The following GRID2 variants were observed in gnomAD, a reference collection of about 807,000 sequenced individuals.
GRID2 encodes glutamate receptor ionotropic, delta-2.
In GRID2, 33 loss-of-function variants were observed where a neutral mutation model predicts 114.8. The ratio of observed to expected loss-of-function variants is 0.29; its 90% CI spans 0.22 to 0.38. The LOEUF (loss-of-function observed/expected upper bound fraction) is 0.38. GRID2 is among the 10% of genes least tolerant of loss of function. The probability of loss-of-function intolerance (pLI) is 1.00; values close to 1 mark genes in which losing one functional copy is unlikely to be tolerated. For synonymous variants in GRID2, 505 were observed against 449.9 expected (o/e 1.12, Z -1.55); for missense variants, 1,184 against 1,257.7 (o/e 0.94, Z 0.89).
intron 6 of GRID2, among the ~76,000 whole-genome samples, chr4:93,220,678 C>A (rs984132349): frequency 1.3e-4 from 20 of 152,058 alleles, no homozygotes; most frequent in Admixed American, 1.0e-3. Flanking sequence ...TTCCTGATAT[C>A]CACAACCTAC....
At chr4:93,617,450 G>A (rs1489645939) in intron 13 of GRID2, among the ~76,000 whole-genome samples, 1 of 152,020 alleles carries the variant, frequency 6.6e-6, no homozygotes, top group African/African-American at 2.4e-5. Context: ...TTTTTACATC[G>A]TTTTCCTCCA....
intron 2 of GRID2, among the ~76,000 whole-genome samples, chr4:92,964,466 G>C (rs1309932029): frequency 6.6e-6 from 1 of 151,936 alleles, no homozygotes. Flanking sequence ...AGGTTGATGG[G>C]TGCCACAAAC....
At chr4:92,857,255 C>T (rs1744239379) in intron 2 of GRID2, among the ~76,000 whole-genome samples, 1 of 152,148 alleles carries the variant, frequency 6.6e-6, no homozygotes, top group African/African-American at 2.4e-5. Context: ...ACATCTCTCA[C>T]TTTTAATCAA....
In GRID2 at chr4:92,797,389, A is replaced by C. The variant is rs187443222; in HGVS notation, c.244+207103A>C. On this transcript the variant is annotated intron_variant, in intron 2 of 15. Transcript: ENST00000282020. ...GCAATAGCAATGGGAGTTGCCTATG[A>C]AATTGTGATACTAGCACATTATGCA... 2.3e-3 allele frequency among the ~76,000 whole-genome samples: 343 copies of C among 152,136 alleles called. 1 individual carries two copies. Among genetic ancestry groups the C allele is most frequent in the African/African-American group, 8.0e-3 (331 of 41,558 alleles).
Position 92,764,402 on chromosome 4 carries a change from A to T in GRID2, c.244+174116A>T, listed in dbSNP as rs577218813. ...AACTGAAGCTCAAGCCCAAGGACTT[A>T]CAATTGGGTCTTTTGAGAGTGAGCA... is the stretch of plus-strand genomic sequence containing the variant. On this transcript the variant is annotated intron_variant, in intron 2 of 15. Coordinates refer to ENST00000282020, the MANE Select transcript of GRID2 (RefSeq NM_001510.4). 6.6e-5 allele frequency among the ~76,000 whole-genome samples: 10 copies of T among 152,348 alleles called. No individual in the cohort carries two copies. The East Asian group carries it at 1.9e-3, about 29-fold the overall frequency.
At chr4:93,111,250 A>G (rs945538953) in intron 4 of GRID2, among the ~76,000 whole-genome samples, 1 of 152,240 alleles carries the variant, frequency 6.6e-6, no homozygotes, top group Non-Finnish European at 1.5e-5. Context: ...GGCAAGATCA[A>G]GAATAAATTC....
At chr4:93,463,532 T>C (rs1206615562) in intron 11 of GRID2, among the ~76,000 whole-genome samples, 2 of 152,168 alleles carry the variant, frequency 1.3e-5, no homozygotes, top group Admixed American at 1.3e-4. Flanking sequence ...ACTAGTACAA[T>C]CAACATCTTC....
At chr4:92,339,020 C>T (rs552826549) in intron 1 of GRID2, among the ~76,000 whole-genome samples, 2 of 152,126 alleles carry the variant, frequency 1.3e-5, no homozygotes, top group South Asian at 2.1e-4. Flanking sequence ...GTGTGAAATA[C>T]TCTAATTACT....
At chr4:92,378,871 A>T (rs973964702) in intron 1 of GRID2, among the ~76,000 whole-genome samples, 1 of 152,042 alleles carries the variant, frequency 6.6e-6, no homozygotes, top group Non-Finnish European at 1.5e-5. Flanking sequence ...ATTATAAAAT[A>T]TATTTTTATG....
At position 93,016,712 on chromosome 4, in the gene GRID2, A is replaced by G. The variant is rs1009690298; in HGVS notation, c.245-68283A>G. Among the ~76,000 whole-genome samples the G allele has an allele frequency of 5.0e-4, 76 of 152,294 alleles. 1 individual carries two copies. Among genetic ancestry groups the G allele is most frequent in the African/African-American group, 1.7e-3 (71 of 41,564 alleles). ...ACAAAATAGAAGACAGAAAACTAGC[A>G]AAAGATTATAGAAAGAGGGGAGGCT... On this transcript the variant is annotated intron_variant, in intron 2 of 15. Transcript: ENST00000282020.
intron 13 of GRID2, among the ~76,000 whole-genome samples, chr4:93,595,948 A>G (rs1739036555): frequency 6.6e-6 from 1 of 152,190 alleles, no homozygotes; most frequent in African/African-American, 2.4e-5. Flanking sequence ...CTAGTGTTCA[A>G]AACTCCACAA....
chr4:92,537,892 A>T (rs990183338), intron 1 of GRID2, among the ~76,000 whole-genome samples: 5 of 151,510 alleles, frequency 3.3e-5, no homozygotes, highest in Non-Finnish European at 7.4e-5. Flanking sequence ...ATGAGATTTC[A>T]TATCCTATTT....
Position 93,207,392 on chromosome 4 carries a change from T to C in GRID2, c.736-12T>C, listed in dbSNP as rs1451579894. The C allele has an allele frequency of 6.3e-7, 1 of 1,579,848 alleles. No homozygotes were observed. The highest frequency in any genetic ancestry group is 2.2e-5 in the East Asian group (1 of 44,506). On this transcript the variant is annotated splice_polypyrimidine_tract_variant and intron_variant, in intron 4 of 15. Transcript: ENST00000282020. ...TAATTTTGACTGATAGCTGATTTGT[T>C]TTCTATTCTAGGTTGTGGAGACTAA... is the stretch of plus-strand genomic sequence containing the variant.
At chr4:93,752,195 G>A (rs1275613837) in intron 14 of GRID2, among the ~76,000 whole-genome samples, 1 of 152,008 alleles carries the variant, frequency 6.6e-6, no homozygotes, top group Non-Finnish European at 1.5e-5. Flanking sequence ...ACCACATAAT[G>A]TGGTGAACAC....
chr4:93,736,720 T>C (rs1481286572), intron 14 of GRID2, among the ~76,000 whole-genome samples: 1 of 152,016 alleles, frequency 6.6e-6, no homozygotes, highest in African/African-American at 2.4e-5. Flanking sequence ...TCCATTATTA[T>C]TTTAGAAGGA....
chr4:92,332,466 C>G (rs987363616), intron 1 of GRID2, among the ~76,000 whole-genome samples: 1 of 152,120 alleles, frequency 6.6e-6, no homozygotes, highest in African/African-American at 2.4e-5. Context: ...GGAACACATT[C>G]AAACCACGGC....
At chr4:93,283,777 T>C (rs1752883742) in intron 8 of GRID2, among the ~76,000 whole-genome samples, 1 of 152,080 alleles carries the variant, frequency 6.6e-6, no homozygotes, top group African/African-American at 2.4e-5. Flanking sequence ...TTCAGGTTAT[T>C]TGGAAAACTG....
At chr4:92,305,778 G>A (rs1725370110) in intron 1 of GRID2, among the ~76,000 whole-genome samples, 4 of 152,198 alleles carry the variant, frequency 2.6e-5, no homozygotes, top group Admixed American at 2.6e-4. Flanking sequence ...GCTAATCCGT[G>A]AGAGCTGAGC....
chr4:92,791,778 C>G (rs1739603878), intron 2 of GRID2, among the ~76,000 whole-genome samples: 1 of 151,686 alleles, frequency 6.6e-6, no homozygotes, highest in Non-Finnish European at 1.5e-5. Flanking sequence ...TTTCTTTAGG[C>G]AGAACTTTAT....
Sources: gnomAD v4.1 joint callset for allele counts (sites outside exome capture counted in the v4.1 genomes callset) on GRCh38, gnomAD v4.1.1 for gene constraint, MANE v1.5 for transcripts, NCBI Gene and HGNC (gene_info 2026-07-23, HGNC 2026-07-21) for gene names.